Variants in VTCN1 observed in about 807,000 individuals in gnomAD.
The protein encoded by VTCN1 is V-set domain containing T cell activation inhibitor 1, also known as V-set domain-containing T-cell activation inhibitor 1.
In VTCN1, 26 loss-of-function variants were observed where a neutral mutation model predicts 26.5. The observed-to-expected ratio is 0.98, with a 90% CI of 0.72 to 1.36. The LOEUF (loss-of-function observed/expected upper bound fraction) is 1.36. Among genes scored for constraint, VTCN1 ranks in the 40% most tolerant of loss-of-function variants. The pLI, the probability that VTCN1 is intolerant of heterozygous loss-of-function variation, is 0.00. For synonymous variants in VTCN1, 116 were observed against 130.7 expected, an observed-to-expected ratio of 0.89 and a Z score of 0.77; for missense variants, 298 against 337.7, an observed-to-expected ratio of 0.88 and a Z score of 0.92.
chr1:117,146,597 A>G lies in VTCN1; in HGVS notation c.*45+1016T>C, dbSNP rs188986087. ...GGAAGTAGTGGGTATAAATTGCCAC[A>G]GAGTAGAGAAGATTTCCAGGAAAAG... On this transcript the variant is annotated intron_variant, in intron 5 of 5. Coordinates refer to ENST00000369458, the MANE Select transcript of VTCN1 (RefSeq NM_024626.4). The surrounding 1 kb of genome is among the most constrained non-coding windows in gnomAD (Gnocchi z 4.2). 2.0e-5 allele frequency among the ~76,000 whole-genome samples: 3 copies of G among 152,214 alleles called. No individual in the cohort carries two copies. The highest frequency in any genetic ancestry group is 1.3e-4 in the Admixed American group (2 of 15,274).
rs952291283 is a variant in VTCN1 at position 117,161,521 on chromosome 1, G to C, written c.98-4600C>G. 2.0e-5 allele frequency among the ~76,000 whole-genome samples: 3 copies of C among 152,148 alleles called. No individual in the cohort carries two copies. The highest frequency in any genetic ancestry group is 4.4e-5 in the Non-Finnish European group (3 of 68,014). ...GGTCTCTAATCTATCTCTGGAACTAGTTTGTGAGCTTTTCAAGAGCAGAAA... is the reference window on the plus strand; with the variant it reads ...GGTCTCTAATCTATCTCTGGAACTACTTTGTGAGCTTTTCAAGAGCAGAAA... On this transcript the variant is annotated intron_variant, in intron 2 of 5. Coordinates refer to ENST00000369458, the MANE Select transcript of VTCN1 (RefSeq NM_024626.4). This position sits in a 1 kb window ranked among gnomAD's most constrained non-coding sequence, Gnocchi z 4.3.
chr1:117,168,064 G>A (rs1391855839), intron 2 of VTCN1, among the ~76,000 whole-genome samples: 1 of 152,054 alleles, frequency 6.6e-6, no homozygotes, highest in Non-Finnish European at 1.5e-5. Context: ...ATCAATATTA[G>A]AACGAAACAG....
intron 2 of VTCN1, among the ~76,000 whole-genome samples, chr1:117,160,590 T>G (rs1012748818): frequency 3.3e-5 from 5 of 152,364 alleles, no homozygotes; most frequent in African/African-American, 1.2e-4. Context: ...TCCATACATA[T>G]TAGCCCTTAT....
intron 2 of VTCN1, among the ~76,000 whole-genome samples, chr1:117,164,518 T>C (rs1439800831): frequency 6.6e-6 from 1 of 152,082 alleles, no homozygotes; most frequent in Non-Finnish European, 1.5e-5. Context: ...GCGTTAATAA[T>C]AGCAGATTTT....
At chr1:117,164,361 T>A (rs761705572) in intron 2 of VTCN1, among the ~76,000 whole-genome samples, 1 of 148,728 alleles carries the variant, frequency 6.7e-6, no homozygotes, top group Non-Finnish European at 1.5e-5. Context: ...GGCAGGGGGG[T>A]GGGGTTGCGG....
chr1:117,170,949 A>G (rs1652880113), intron 1 of VTCN1, among the ~76,000 whole-genome samples: 1 of 152,154 alleles, frequency 6.6e-6, no homozygotes, highest in Non-Finnish European at 1.5e-5. Flanking sequence ...TCAACCCGTC[A>G]TCTAGGTTTT....
rs897753180 is a variant in VTCN1, at chr1:117,169,837, G to T, written c.97+270C>A. Among the ~76,000 whole-genome samples the T allele has an allele frequency of 6.6e-6, 1 of 152,176 alleles. No individual in the cohort carries two copies. The highest frequency in any genetic ancestry group is 2.4e-5 in the African/African-American group (1 of 41,442). ...TTGAACCCAGGAGGTGGAGGTTGCA[G>T]TAAGCTGAGATCATGCCACTGCACT... On this transcript the variant is annotated intron_variant, in intron 2 of 5. Coordinates refer to ENST00000369458, the MANE Select transcript of VTCN1 (RefSeq NM_024626.4). This position sits in a 1 kb window ranked among gnomAD's most constrained non-coding sequence, Gnocchi z 4.0.
In VTCN1 at chr1:117,146,061, T is replaced by C. The variant is rs1651487939; in HGVS notation, c.*46-836A>G. Among the ~76,000 whole-genome samples, 1 of 152,222 alleles carries C rather than the reference T, an allele frequency of 6.6e-6. No homozygotes were observed. The highest frequency in any genetic ancestry group is 1.5e-5 in the Non-Finnish European group (1 of 68,048). ...CTACGTGTGCTGCATGTGAACATTA[T>C]CCATTAGATGTATGTCGTGGATATT... is the stretch of plus-strand genomic sequence containing the variant. On this transcript the variant is annotated intron_variant, in intron 5 of 5. Coordinates refer to ENST00000369458, the MANE Select transcript of VTCN1 (RefSeq NM_024626.4). This position sits in a 1 kb window ranked among gnomAD's most constrained non-coding sequence, Gnocchi z 4.2.
At chr1:117,191,966 G>T (rs901791376) in intron 1 of VTCN1, among the ~76,000 whole-genome samples, 3 of 151,736 alleles carry the variant, frequency 2.0e-5, no homozygotes, top group Admixed American at 2.0e-4. Flanking sequence ...CCTGTGGGGT[G>T]GGAGGGAAAT....
chr1:117,205,157 T>TATAG (rs112844786), intron 1 of VTCN1, among the ~76,000 whole-genome samples: 37,595 of 137,628 alleles, frequency 0.27, 6,281 homozygotes, highest in Non-Finnish European at 0.37. Context: ...TATATATATA[T>TATAG]AGAGAGAGAG....
At chr1:117,189,227 T>C (rs1006254844) in intron 1 of VTCN1, among the ~76,000 whole-genome samples, 1 of 152,200 alleles carries the variant, frequency 6.6e-6, no homozygotes, top group Non-Finnish European at 1.5e-5. Context: ...CTTCCTCGTC[T>C]CTTCTCCCTC....
intron 1 of VTCN1, 136 bp from the exon 2 acceptor site, chr1:117,170,307 GT>G (rs1261523632): frequency 1.2e-6 from 1 of 856,726 alleles, no homozygotes; most frequent in South Asian, 1.3e-5. Context: ...ACATAAGCTT[GT>G]TCCTAGAAAC....
chr1:117,171,636 A>G (rs1652922972), intron 1 of VTCN1, among the ~76,000 whole-genome samples: 1 of 152,266 alleles, frequency 6.6e-6, no homozygotes, highest in Non-Finnish European at 1.5e-5. Context: ...TATTGCTTAC[A>G]TGTACTAAGT....
At chr1:117,189,349 C>T (rs79906739) in intron 1 of VTCN1, among the ~76,000 whole-genome samples, 4 of 152,096 alleles carry the variant, frequency 2.6e-5, no homozygotes, top group Non-Finnish European at 4.4e-5. Flanking sequence ...CCATTGAACT[C>T]GTAATTGTGA....
At chr1:117,172,640 TC>T (rs372580718) in intron 1 of VTCN1, among the ~76,000 whole-genome samples, 3,023 of 151,658 alleles carry the variant, frequency 0.02, 114 homozygotes, top group African/African-American at 0.069. Flanking sequence ...GCTGCATGTG[TC>T]CCCCCCCACA....
chr1:117,205,127 A>G (rs10801938), intron 1 of VTCN1, among the ~76,000 whole-genome samples: 137,312 of 146,152 alleles, frequency 0.94, 64,640 homozygotes, highest in Non-Finnish European at 0.97. Flanking sequence ...GTATATATAC[A>G]TGTCATATAT....
intron 1 of VTCN1, chr1:117,173,365 A>AGC: frequency 2.6e-6 from 1 of 383,122 alleles, no homozygotes; most frequent in Admixed American, 4.3e-5. Context: ...GACACAGATG[A>AGC]ACACACACAC....
intron 1 of VTCN1, among the ~76,000 whole-genome samples, chr1:117,198,714 T>TA (rs1266091205): frequency 6.6e-6 from 1 of 152,106 alleles, no homozygotes; most frequent in African/African-American, 2.4e-5. Flanking sequence ...ATAAAGTAAT[T>TA]AAAATTATAA....
intron 1 of VTCN1, among the ~76,000 whole-genome samples, chr1:117,177,629 G>T (rs1267633338): frequency 2.6e-5 from 4 of 152,144 alleles, no homozygotes; most frequent in Admixed American, 2.6e-4. Flanking sequence ...TAAGAGACTT[G>T]GCTGCTGTTG....
Sources: allele counts gnomAD v4.1 joint callset (sites outside exome capture counted in the v4.1 genomes callset), GRCh38; gene constraint gnomAD v4.1.1; non-coding constraint Gnocchi (gnomAD v3.1); transcripts MANE v1.5; gene names NCBI Gene and HGNC (gene_info 2026-07-23, HGNC 2026-07-21).